The following WNT3A variants were observed in gnomAD, a reference collection of about 807,000 sequenced individuals.
WNT3A encodes Wnt family member 3A, also known as protein Wnt-3a.
WNT3A carries 17 observed loss-of-function variants against 37.0 expected under a neutral mutation model. That is an observed-to-expected ratio of 0.46 (90% CI 0.31 to 0.69). WNT3A has a LOEUF of 0.69. Ranked by LOEUF, WNT3A falls within the 30% of genes least tolerant of loss-of-function variation. WNT3A has a pLI of 0.05. For missense variants in WNT3A, 411 were observed against 510.2 expected (o/e 0.81, Z 1.87); for synonymous variants, 187 against 211.0 (o/e 0.89, Z 0.99).
intron 1 of WNT3A, among the ~76,000 whole-genome samples, chr1:228,013,438 G>A (rs544859914): frequency 6.6e-6 from 1 of 152,314 alleles, no homozygotes; most frequent in African/African-American, 2.4e-5. Flanking sequence ...ACGTGCCGCT[G>A]CCGCCCAGGG....
rs1420614320 is a variant in WNT3A, at chr1:228,050,441, T to C, written c.314-215T>C. Among the ~76,000 whole-genome samples, 1 of 152,196 alleles carries C rather than the reference T, an allele frequency of 6.6e-6. No individual in the cohort carries two copies. Among genetic ancestry groups the C allele is most frequent in the East Asian group, 1.9e-4 (1 of 5,200 alleles). On this transcript the variant is annotated intron_variant, in intron 2 of 3. Transcript: ENST00000284523. The surrounding 1 kb of genome is among the most constrained non-coding windows in gnomAD (Gnocchi z 5.0). ...CGCCCCCTTTCCCTTCTGCCACAAG[T>C]GGAAACAGCCTGAGGCCCTTGCCAG...
At chr1:228,030,808 G>T (rs1255397579) in intron 2 of WNT3A, among the ~76,000 whole-genome samples, 1 of 152,124 alleles carries the variant, frequency 6.6e-6, no homozygotes, top group Admixed American at 6.5e-5. Flanking sequence ...TGTCCCCCAC[G>T]CTTGCTCCTA....
chr1:228,024,918 T>A (rs938095009), intron 2 of WNT3A, among the ~76,000 whole-genome samples: 2 of 152,232 alleles, frequency 1.3e-5, no homozygotes, highest in Non-Finnish European at 2.9e-5. Flanking sequence ...TCAAATGGTC[T>A]TGGCACCCTT....
At chr1:228,014,014 C>T (rs1025329155) in intron 1 of WNT3A, among the ~76,000 whole-genome samples, 1 of 152,240 alleles carries the variant, frequency 6.6e-6, no homozygotes, top group Non-Finnish European at 1.5e-5. Context: ...TGCATTGCAG[C>T]TGTGCTGGAG....
At chr1:228,026,039 G>A (rs778262702) in intron 2 of WNT3A, among the ~76,000 whole-genome samples, 13 of 151,642 alleles carry the variant, frequency 8.6e-5, no homozygotes, top group South Asian at 4.2e-4. Context: ...GGTTACAGGC[G>A]TGAGCCACTG....
chr1:228,012,073 C>T (rs1306075540), intron 1 of WNT3A, among the ~76,000 whole-genome samples: 1 of 152,222 alleles, frequency 6.6e-6, no homozygotes, highest in East Asian at 1.9e-4. Flanking sequence ...GCATAAGCCT[C>T]CTAGAATCTT....
chr1:228,047,650 G>A (rs555709090), intron 2 of WNT3A, among the ~76,000 whole-genome samples: 253 of 152,304 alleles, frequency 1.7e-3, no homozygotes, highest in African/African-American at 5.9e-3. Context: ...TAATTTATAA[G>A]AAAAGATGTT....
intron 1 of WNT3A, among the ~76,000 whole-genome samples, chr1:228,016,848 A>C (rs1374675330): frequency 6.6e-6 from 1 of 151,976 alleles, no homozygotes; most frequent in African/African-American, 2.4e-5. Context: ...TCCTTCTAAC[A>C]ACCAGCTCCT....
At chr1:228,026,408 C>T (rs2030856133) in intron 2 of WNT3A, among the ~76,000 whole-genome samples, 1 of 152,058 alleles carries the variant, frequency 6.6e-6, no homozygotes, top group Non-Finnish European at 1.5e-5. Flanking sequence ...CTTTGAGCTG[C>T]CTGCATATAT....
chr1:228,049,868 C>G (rs1287007877), intron 2 of WNT3A, among the ~76,000 whole-genome samples: 1 of 152,158 alleles, frequency 6.6e-6, no homozygotes, highest in African/African-American at 2.4e-5. Context: ...GCCTCAAACT[C>G]CTGGGCTCTA....
intron 2 of WNT3A, among the ~76,000 whole-genome samples, chr1:228,032,374 G>A (rs764318397): frequency 3.3e-5 from 5 of 152,168 alleles, no homozygotes; most frequent in Non-Finnish European, 7.4e-5. Flanking sequence ...TTGGCTGGGG[G>A]CCCAGCCAGC....
At chr1:228,028,816 T>C (rs983448063) in intron 2 of WNT3A, among the ~76,000 whole-genome samples, 1 of 152,194 alleles carries the variant, frequency 6.6e-6, no homozygotes, top group Non-Finnish European at 1.5e-5. Flanking sequence ...TTCAGCGGGG[T>C]TGGCTGCAGG....
rs2031013840 is a variant in WNT3A at position 228,031,591 on chromosome 1, C to T, written c.313+8683C>T. Among the ~76,000 whole-genome samples, 1 of 151,810 alleles carries T rather than the reference C, an allele frequency of 6.6e-6. No homozygotes were observed. Among genetic ancestry groups the T allele is most frequent in the Non-Finnish European group, 1.5e-5 (1 of 67,906 alleles). ...ATGCATGTGGTGTGTGGGGTGTGTG[C>T]CTGTGCATGTGTGTGCATGTGTATG... On this transcript the variant is annotated intron_variant, in intron 2 of 3. Transcript: ENST00000284523. This position sits in a 1 kb window ranked among gnomAD's most constrained non-coding sequence, Gnocchi z 4.8.
In WNT3A at chr1:228,037,018, C is replaced by T. The variant is rs553293665; in HGVS notation, c.314-13638C>T. Among the ~76,000 whole-genome samples, 1 of 152,236 alleles carries T rather than the reference C, an allele frequency of 6.6e-6. No individual in the cohort carries two copies. Among genetic ancestry groups the T allele is most frequent in the African/African-American group, 2.4e-5 (1 of 41,546 alleles). On this transcript the variant is annotated intron_variant, in intron 2 of 3. Transcript: ENST00000284523. This position sits in a 1 kb window ranked among gnomAD's most constrained non-coding sequence, Gnocchi z 4.1. The stretch of plus-strand genomic sequence containing the variant: ...CTAACATGGGCTGGGCCCAGGAGTC[C>T]CCCCGGGCCCTGGCACCTGCCAGAT...
rs1415269833 is a variant in WNT3A, at chr1:228,059,063, G to T, written c.657G>T (p.Trp219Cys). The T allele has an allele frequency of 3.7e-6, 6 of 1,613,670 alleles. No homozygotes were observed. In the South Asian group the frequency reaches 5.5e-5, roughly 15 times the overall value. ...GCTGCGAGGTGAAGACATGCTGGTG[G>T]TCGCAACCCGACTTCCGCGCCATCG... ...SGSCEVKTCW[W>C]SQPDFRAIGD... The change falls in exon 4 of 4, where the codon TGG becomes TGT. Residue 219 changes from tryptophan (W) to cysteine (C), a missense_variant. Physicochemically the swap from Trp to Cys is radical, Grantham distance 215 (BLOSUM62 -2). Coordinates refer to ENST00000284523, the MANE Select transcript of WNT3A (RefSeq NM_033131.4).
intron 2 of WNT3A, among the ~76,000 whole-genome samples, chr1:228,045,961 C>T (rs766707345): frequency 2.0e-5 from 3 of 152,308 alleles, no homozygotes; most frequent in Admixed American, 6.5e-5. Context: ...CCTAGGCAGC[C>T]GCGGCTAGGG....
rs149515177 is a variant in WNT3A at position 228,044,704 on chromosome 1, T to A, written c.314-5952T>A. Among the ~76,000 whole-genome samples, 1,248 of 152,360 alleles carry A rather than the reference T, an allele frequency of 8.2e-3. 19 individuals are homozygous for A. The highest frequency in any genetic ancestry group is 0.028 in the African/African-American group (1,170 of 41,580). On this transcript the variant is annotated intron_variant, in intron 2 of 3. Coordinates refer to ENST00000284523, the MANE Select transcript of WNT3A (RefSeq NM_033131.4). Reference sequence around the variant, plus strand: ...AAGGTGGTGTCTGCCAGGCTTCTCCTGTGCACAGTTAAGGTTTTTCCCATT... The same window carrying A: ...AAGGTGGTGTCTGCCAGGCTTCTCCAGTGCACAGTTAAGGTTTTTCCCATT...
At chr1:228,040,425 C>T (rs1260700262) in intron 2 of WNT3A, among the ~76,000 whole-genome samples, 1 of 152,206 alleles carries the variant, frequency 6.6e-6, no homozygotes, top group Non-Finnish European at 1.5e-5. Flanking sequence ...TCTTGGGTCA[C>T]CTCCCCATGG....
intron 1 of WNT3A, among the ~76,000 whole-genome samples, chr1:228,018,683 T>C (rs575799135): frequency 2.6e-4 from 39 of 152,068 alleles, no homozygotes; most frequent in Admixed American, 1.6e-3. Flanking sequence ...TGAGCCACCA[T>C]GCCCAGCCTT....
Sources: allele counts gnomAD v4.1 joint callset (sites outside exome capture counted in the v4.1 genomes callset), GRCh38; gene constraint gnomAD v4.1.1; non-coding constraint Gnocchi (gnomAD v3.1); transcripts MANE v1.5; gene names NCBI Gene and HGNC (gene_info 2026-07-23, HGNC 2026-07-21).